ERAP1: variants seen among roughly 807,000 people sequenced by gnomAD.
ERAP1 encodes endoplasmic reticulum aminopeptidase 1.
ERAP1 carries 86 observed loss-of-function variants against 103.7 expected under a neutral mutation model. The observed-to-expected ratio is 0.83, with a 90% CI of 0.70 to 0.99. The LOEUF is 0.99. Ranked by LOEUF, ERAP1 falls within the 50% of genes least tolerant of loss-of-function variation. ERAP1 has a pLI of 0.00. For synonymous variants in ERAP1, 398 were observed against 402.4 expected (o/e 0.99, Z 0.13); for missense variants, 1,009 against 1,128.4 (o/e 0.89, Z 1.52).
the ERAP1 span, among the ~76,000 whole-genome samples, chr5:96,925,353 A>G: frequency 6.6e-6 from 1 of 152,214 alleles, no homozygotes; most frequent in Non-Finnish European, 1.5e-5. Context: ...TGCCCCAGGC[A>G]CAGAGGTAGG....
Position 96,776,242 on chromosome 5 carries a change from T to G in ERAP1, c.*154A>C. 2.9e-6 allele frequency: 3 copies of G among 1,017,010 alleles called. No homozygotes were observed. Among genetic ancestry groups the G allele is most frequent in the Non-Finnish European group, 4.2e-6 (3 of 717,220 alleles). The allele number at this position is 1,017,010 out of a possible 1,614,324, so 63.0% of individuals were successfully genotyped here. On this transcript the variant is annotated 3_prime_UTR_variant, in exon 19 of 19. Transcript: ENST00000443439. ...TAGCGATAGCCCATTCATGAAAAAC[T>G]AACAGCTATTCTTTTCACAGGGATA...
chr5:96,892,095 T>C, the ERAP1 span, among the ~76,000 whole-genome samples: 1 of 152,214 alleles, frequency 6.6e-6, no homozygotes, highest in Admixed American at 6.5e-5. Flanking sequence ...CAAAACTCTT[T>C]GTACAACTTA....
At chr5:96,869,501 A>C in the ERAP1 span, among the ~76,000 whole-genome samples, 3 of 152,242 alleles carry the variant, frequency 2.0e-5, no homozygotes, top group East Asian at 5.8e-4. Context: ...TAGTTTACAG[A>C]TTTATTAGAA....
chr5:96,901,674 C>G, the ERAP1 span: 11 of 1,613,584 alleles, frequency 6.8e-6, no homozygotes, highest in Non-Finnish European at 9.3e-6. Flanking sequence ...GAGGGCCCTG[C>G]AGGAGAGGTG....
At chr5:96,829,198 G>A in the ERAP1 span, among the ~76,000 whole-genome samples, 2 of 152,162 alleles carry the variant, frequency 1.3e-5, no homozygotes, top group Non-Finnish European at 2.9e-5. Flanking sequence ...TAGGGTCCCA[G>A]TCCGAATAAC....
intron 13 of ERAP1, 62 bp from the exon 14 acceptor site, chr5:96,784,142 T>C (rs773011055): frequency 7.4e-5 from 113 of 1,525,058 alleles, no homozygotes; most frequent in Non-Finnish European, 9.7e-5. Context: ...ACTTTTTGCT[T>C]CAAAATATAT....
chr5:96,931,280 C>A, the ERAP1 span, among the ~76,000 whole-genome samples: 1 of 152,024 alleles, frequency 6.6e-6, no homozygotes, highest in Non-Finnish European at 1.5e-5. Flanking sequence ...CCTCAGCCTC[C>A]TGAGTAGCTG....
the ERAP1 span, chr5:96,895,163 A>AT: frequency 1.3e-6 from 1 of 776,076 alleles, no homozygotes. Context: ...ATAAAAAAAA[A>AT]GTTAGTAACT....
the ERAP1 span, among the ~76,000 whole-genome samples, chr5:96,848,436 A>C: frequency 6.6e-6 from 1 of 152,242 alleles, no homozygotes; most frequent in Non-Finnish European, 1.5e-5. Flanking sequence ...ATAAAAAATC[A>C]AAAATGAAAG....
intron 14 of ERAP1, among the ~76,000 whole-genome samples, chr5:96,783,594 A>G (rs746777002): frequency 4.6e-5 from 7 of 152,230 alleles, no homozygotes; most frequent in Non-Finnish European, 8.8e-5. Context: ...CTCTTCCTCA[A>G]GTACCATGAA....
chr5:96,790,405 T>G, intron 9 of ERAP1, 38 bp from the exon 10 acceptor site: 2 of 1,611,032 alleles, frequency 1.2e-6, no homozygotes, highest in Non-Finnish European at 1.7e-6. Flanking sequence ...CTTATTTCTA[T>G]AGAAAACAAT....
chr5:96,925,054 C>T, the ERAP1 span, among the ~76,000 whole-genome samples: 11 of 152,136 alleles, frequency 7.2e-5, no homozygotes, highest in South Asian at 6.2e-4. Flanking sequence ...AACTCAACAC[C>T]GAAAACTTGG....
the ERAP1 span, among the ~76,000 whole-genome samples, chr5:96,836,318 C>T: frequency 6.6e-6 from 1 of 151,976 alleles, no homozygotes; most frequent in East Asian, 1.9e-4. Context: ...TCTTCTGCCT[C>T]AGCCTCCCAA....
At chr5:96,867,392 T>C in the ERAP1 span, among the ~76,000 whole-genome samples, 1 of 152,172 alleles carries the variant, frequency 6.6e-6, no homozygotes, top group East Asian at 1.9e-4. Flanking sequence ...ACAATAATTA[T>C]TTACTATTTG....
chr5:96,814,537 TCTAGAGA>T, the ERAP1 span, among the ~76,000 whole-genome samples: 1 of 152,202 alleles, frequency 6.6e-6, no homozygotes, highest in Admixed American at 6.5e-5. Flanking sequence ...GTGACTAGAT[TCTAGAGA>T]CTAGAAAGAT....
the ERAP1 span, among the ~76,000 whole-genome samples, chr5:96,870,848 G>T: frequency 1.3e-5 from 2 of 152,146 alleles, no homozygotes; most frequent in African/African-American, 4.8e-5. Flanking sequence ...AGACACTTTA[G>T]CACACTCTAC....
At chr5:96,798,135 C>G (rs1777551703) in intron 3 of ERAP1, among the ~76,000 whole-genome samples, 1 of 151,950 alleles carries the variant, frequency 6.6e-6, no homozygotes, top group Non-Finnish European at 1.5e-5. Context: ...ACCATCCTGG[C>G]TAACACGGTG....
chr5:96,901,369 C>T, the ERAP1 span: 1 of 930,810 alleles, frequency 1.1e-6, no homozygotes, highest in Non-Finnish European at 1.6e-6. Flanking sequence ...GCCTGGATTA[C>T]CCTTCCCTGA....
the ERAP1 span, among the ~76,000 whole-genome samples, chr5:96,843,589 G>A: frequency 9.9e-5 from 15 of 152,250 alleles, no homozygotes; most frequent in Admixed American, 2.6e-4. Context: ...TTTTGATTTA[G>A]TTCCAGGAAT....
Sources: allele counts gnomAD v4.1 joint callset (sites outside exome capture counted in the v4.1 genomes callset), GRCh38; gene constraint gnomAD v4.1.1; transcripts MANE v1.5; gene names NCBI Gene and HGNC (gene_info 2026-07-23, HGNC 2026-07-21).